The following IQCJ variants were observed in gnomAD, a reference collection of about 807,000 sequenced individuals.
IQCJ encodes the protein IQ domain-containing protein J.
Under a neutral mutation model 11.0 loss-of-function variants are expected in IQCJ, and 9 were observed. The ratio of observed to expected loss-of-function variants is 0.82; its 90% CI spans 0.49 to 1.43. IQCJ has a LOEUF of 1.43. Ranked by LOEUF, IQCJ falls within the 40% of genes most tolerant of loss-of-function variation. The pLI is 0.00. For missense variants in IQCJ, 146 were observed against 133.2 expected, an observed-to-expected ratio of 1.10 and a Z score of -0.47; for synonymous variants, 55 against 51.3, an observed-to-expected ratio of 1.07 and a Z score of -0.31.
intron 1 of IQCJ, among the ~76,000 whole-genome samples, chr3:159,158,306 A>G (rs1158897656): frequency 6.6e-6 from 1 of 152,186 alleles, no homozygotes; most frequent in Non-Finnish European, 1.5e-5. Flanking sequence ...AGCTGCAGTG[A>G]TGATGCTGGA....
chr3:159,078,101 A>G (rs957227575), intron 1 of IQCJ, among the ~76,000 whole-genome samples: 7 of 86,110 alleles, frequency 8.1e-5, no homozygotes, highest in Admixed American at 2.3e-4. Context: ...GCATTTCAAA[A>G]ATTCATGCAC....
At position 159,262,589 on chromosome 3, in the gene IQCJ, C is replaced by A; in HGVS notation, c.197C>A (p.Pro66His). 6.2e-7 allele frequency: 1 copy of A among 1,613,886 alleles called. No individual in the cohort carries two copies. Among genetic ancestry groups the A allele is most frequent in the Non-Finnish European group, 8.5e-7 (1 of 1,179,830 alleles). ...AWREYLQRQE[P>H]LGKRSPSPPS... ...CGAGAGTACCTGCAGCGGCAGGAGC[C>A]CCTGGGGAAGAGGAGCCCGTCCCCA... The change falls in exon 4 of 4, where the codon CCC (proline) becomes CAC (histidine). Residue 66 changes from proline to histidine, a missense_variant. Pro to His is a moderately conservative substitution (Grantham distance 77). Coordinates refer to ENST00000397832, the MANE Select transcript of IQCJ (RefSeq NM_001042706.3).
At chr3:159,080,227 A>T (rs144670852) in intron 1 of IQCJ, among the ~76,000 whole-genome samples, 101 of 152,280 alleles carry the variant, frequency 6.6e-4, no homozygotes, top group Non-Finnish European at 1.3e-3. Context: ...TTGGTGGAAT[A>T]TAATGGAAAA....
At chr3:159,076,176 G>A (rs1252253060) in intron 1 of IQCJ, among the ~76,000 whole-genome samples, 2 of 152,014 alleles carry the variant, frequency 1.3e-5, no homozygotes, top group African/African-American at 4.8e-5. Context: ...TCTGCAGTGT[G>A]GGAGTCCATC....
chr3:159,103,574 C>T (rs928981850), intron 1 of IQCJ, among the ~76,000 whole-genome samples: 14 of 152,206 alleles, frequency 9.2e-5, no homozygotes, highest in African/African-American at 3.4e-4. Flanking sequence ...TAAAGCTCAC[C>T]ATTTTGAAAT....
At chr3:159,141,550 A>T (rs1429907844) in intron 1 of IQCJ, among the ~76,000 whole-genome samples, 1 of 152,230 alleles carries the variant, frequency 6.6e-6, no homozygotes, top group Non-Finnish European at 1.5e-5. Flanking sequence ...AGCTTACATC[A>T]TTTATAATAC....
At chr3:159,176,017 G>A (rs1289210767) in intron 1 of IQCJ, among the ~76,000 whole-genome samples, 2 of 152,126 alleles carry the variant, frequency 1.3e-5, no homozygotes, top group East Asian at 1.9e-4. Flanking sequence ...GTTGGTGTAT[G>A]TATTTCCCTA....
intron 1 of IQCJ, among the ~76,000 whole-genome samples, chr3:159,202,825 C>A (rs955252882): frequency 2.6e-5 from 4 of 152,002 alleles, no homozygotes; most frequent in Admixed American, 6.6e-5. Flanking sequence ...ATTTTAAATA[C>A]CAAATCACTA....
intron 3 of IQCJ, among the ~76,000 whole-genome samples, chr3:159,256,279 C>T (rs1053891420): frequency 2.0e-5 from 3 of 152,108 alleles, no homozygotes; most frequent in African/African-American, 7.2e-5. Context: ...TATGCTCAAT[C>T]CCTCTCCTGA....
intron 1 of IQCJ, among the ~76,000 whole-genome samples, chr3:159,106,010 G>C (rs1407598663): frequency 6.6e-6 from 1 of 152,162 alleles, no homozygotes; most frequent in African/African-American, 2.4e-5. Flanking sequence ...TGAAGTTGTG[G>C]CTGTAAGAAT....
chr3:159,139,973 A>T (rs1720508699), intron 1 of IQCJ, among the ~76,000 whole-genome samples: 1 of 152,228 alleles, frequency 6.6e-6, no homozygotes, highest in Non-Finnish European at 1.5e-5. Context: ...AAGATAGGAT[A>T]TAATTTTTTT....
intron 1 of IQCJ, among the ~76,000 whole-genome samples, chr3:159,124,944 G>A (rs1254270431): frequency 6.6e-6 from 1 of 152,102 alleles, no homozygotes; most frequent in African/African-American, 2.4e-5. Flanking sequence ...ATACTCGCAA[G>A]GTACATTCTA....
intron 1 of IQCJ, among the ~76,000 whole-genome samples, chr3:159,243,163 C>T (rs931718725): frequency 1.3e-5 from 2 of 152,110 alleles, no homozygotes; most frequent in Admixed American, 6.5e-5. Context: ...AATAGCACAA[C>T]CACTTTAGAA....
chr3:159,081,683 A>T (rs1252257041), intron 1 of IQCJ, among the ~76,000 whole-genome samples: 3 of 152,034 alleles, frequency 2.0e-5, no homozygotes, highest in African/African-American at 7.2e-5. Context: ...CCAAATGTTC[A>T]TCTATTCTAA....
At chr3:159,171,572 A>G (rs1175289863) in intron 1 of IQCJ, among the ~76,000 whole-genome samples, 1 of 152,196 alleles carries the variant, frequency 6.6e-6, no homozygotes, top group Non-Finnish European at 1.5e-5. Context: ...AGTGGTTCTC[A>G]GGCCTGCTGC....
chr3:159,208,190 C>G (rs1724762991), intron 1 of IQCJ, among the ~76,000 whole-genome samples: 1 of 152,084 alleles, frequency 6.6e-6, no homozygotes, highest in African/African-American at 2.4e-5. Flanking sequence ...TAGAAAGGGC[C>G]CAGACTATTC....
chr3:159,082,942 A>G (rs1464410807), intron 1 of IQCJ, among the ~76,000 whole-genome samples: 2 of 152,172 alleles, frequency 1.3e-5, no homozygotes, highest in Non-Finnish European at 2.9e-5. Context: ...CCTCGACCAC[A>G]TGCCTTATAC....
At chr3:159,164,775 C>A (rs1041982697) in intron 1 of IQCJ, among the ~76,000 whole-genome samples, 4 of 152,026 alleles carry the variant, frequency 2.6e-5, no homozygotes, top group South Asian at 2.1e-4. Context: ...CCCCTCCCCC[C>A]CAAAAAAGAG....
intron 1 of IQCJ, among the ~76,000 whole-genome samples, chr3:159,075,896 C>G (rs1715878946): frequency 6.6e-6 from 1 of 152,036 alleles, no homozygotes; most frequent in African/African-American, 2.4e-5. Context: ...AGGGCCTGAG[C>G]TCTTAGACAT....
Sources: gnomAD v4.1 joint callset for allele counts (sites outside exome capture counted in the v4.1 genomes callset) on GRCh38, gnomAD v4.1.1 for gene constraint, MANE v1.5 for transcripts, NCBI Gene and HGNC (gene_info 2026-07-23, HGNC 2026-07-21) for gene names.